The following GAS7 variants were observed in gnomAD, a reference collection of about 807,000 sequenced individuals.
The protein encoded by GAS7 is growth arrest specific 7.
Under a neutral mutation model 71.1 loss-of-function variants are expected in GAS7, and 28 were observed. The observed-to-expected ratio is 0.39, with a 90% confidence interval of 0.29 to 0.54. The LOEUF is 0.54. Among genes scored for constraint, GAS7 ranks in the 20% least tolerant of loss-of-function variants. The pLI is 0.62. For synonymous variants in GAS7, 258 were observed against 245.8 expected (o/e 1.05, Z -0.46); for missense variants, 436 against 627.8 (o/e 0.69, Z 3.27).
intron 1 of GAS7, among the ~76,000 whole-genome samples, chr17:10,151,280 T>C (rs2074164442): frequency 1.3e-5 from 2 of 152,022 alleles, no homozygotes; most frequent in Non-Finnish European, 2.9e-5. Flanking sequence ...GCTGGGACTA[T>C]AGGCACAGGC....
chr17:10,086,356 A>G (rs747444866), intron 1 of GAS7, among the ~76,000 whole-genome samples: 4 of 152,204 alleles, frequency 2.6e-5, no homozygotes, highest in Non-Finnish European at 5.9e-5. Context: ...AGCACTGATC[A>G]TATCTGGGGA....
chr17:10,039,889 A>T, intron 1 of GAS7: 1 of 322,862 alleles, frequency 3.1e-6, no homozygotes, highest in Non-Finnish European at 6.2e-6. Context: ...GGACATATCA[A>T]TTCCTTCTGT....
At chr17:9,975,926 C>T (rs1005318583) in intron 3 of GAS7, among the ~76,000 whole-genome samples, 6 of 152,204 alleles carry the variant, frequency 3.9e-5, no homozygotes, top group African/African-American at 9.6e-5. Context: ...GGGGCAGTTC[C>T]GTGCTCATCC....
At chr17:10,019,709 A>G (rs1009580945) in intron 2 of GAS7, 68 bp downstream of exon 2, 34 of 1,494,428 alleles carry the variant, frequency 2.3e-5, no homozygotes, top group Non-Finnish European at 3.1e-5. Flanking sequence ...AGGGAGAAAA[A>G]ACGTGCCCCT....
chr17:9,925,377 CA>C, intron 11 of GAS7, 98 bp downstream of exon 11: 1 of 1,261,278 alleles, frequency 7.9e-7, no homozygotes. Flanking sequence ...TGCAGTCTTG[CA>C]AAGGAGAGAT....
chr17:10,098,992 G>A (rs1438400451), intron 1 of GAS7, among the ~76,000 whole-genome samples: 1 of 152,112 alleles, frequency 6.6e-6, no homozygotes, highest in African/African-American at 2.4e-5. Context: ...AGATAACACA[G>A]GTTAGATGAA....
At chr17:10,093,652 C>T (rs1259575320) in intron 1 of GAS7, among the ~76,000 whole-genome samples, 2 of 151,930 alleles carry the variant, frequency 1.3e-5, no homozygotes, top group African/African-American at 4.8e-5. Context: ...AAGCTTCCCT[C>T]CCACCACCTG....
intron 7 of GAS7, among the ~76,000 whole-genome samples, chr17:9,941,329 T>C (rs2068594810): frequency 6.6e-6 from 1 of 152,082 alleles, no homozygotes; most frequent in Admixed American, 6.6e-5. Flanking sequence ...AGAAAGTAGA[T>C]CTATCCATGC....
At chr17:9,952,160 C>G (rs2069044993) in intron 5 of GAS7, among the ~76,000 whole-genome samples, 1 of 152,136 alleles carries the variant, frequency 6.6e-6, no homozygotes, top group Non-Finnish European at 1.5e-5. Context: ...TGGGTCCCAC[C>G]CCCCACTGTC....
intron 5 of GAS7, among the ~76,000 whole-genome samples, chr17:9,952,755 C>T (rs1042341650): frequency 2.6e-5 from 4 of 152,076 alleles, no homozygotes; most frequent in South Asian, 4.1e-4. Context: ...TGCTCATCAC[C>T]GCTAATCATT....
At chr17:10,076,591 C>T (rs1001768309) in intron 1 of GAS7, among the ~76,000 whole-genome samples, 1 of 152,028 alleles carries the variant, frequency 6.6e-6, no homozygotes, top group Admixed American at 6.5e-5. Context: ...ACTATCAGAA[C>T]TAATAAGACA....
intron 1 of GAS7, among the ~76,000 whole-genome samples, chr17:10,058,007 G>A (rs1043136700): frequency 3.3e-4 from 50 of 152,140 alleles, no homozygotes; most frequent in South Asian, 2.1e-4. Flanking sequence ...ATGGATTAAG[G>A]GCAGTGCAAG....
At chr17:10,043,367 G>A (rs1246950438) in intron 1 of GAS7, among the ~76,000 whole-genome samples, 1 of 152,096 alleles carries the variant, frequency 6.6e-6, no homozygotes, top group Non-Finnish European at 1.5e-5. Flanking sequence ...CAAATGAAGA[G>A]GGGGGATACA....
At chr17:10,057,538 T>C (rs897210339) in intron 1 of GAS7, among the ~76,000 whole-genome samples, 2 of 149,390 alleles carry the variant, frequency 1.3e-5, no homozygotes, top group African/African-American at 5.0e-5. Flanking sequence ...ATCTGGGAAG[T>C]GAGGAGCATC....
chr17:10,043,286 G>A (rs2072899451), intron 1 of GAS7, among the ~76,000 whole-genome samples: 1 of 152,050 alleles, frequency 6.6e-6, no homozygotes, highest in South Asian at 2.1e-4. Context: ...CCTCTAACCA[G>A]ACTAGTGCTC....
chr17:10,191,387 T>C (rs972765255), intron 1 of GAS7, among the ~76,000 whole-genome samples: 9 of 150,222 alleles, frequency 6.0e-5, no homozygotes, highest in Non-Finnish European at 1.0e-4. Context: ...CTGAGAAACA[T>C]GGTGAAACCC....
At chr17:10,064,495 A>C (rs1325407284) in intron 1 of GAS7, among the ~76,000 whole-genome samples, 3 of 152,212 alleles carry the variant, frequency 2.0e-5, no homozygotes, top group Non-Finnish European at 4.4e-5. Flanking sequence ...TGCCTGGCCA[A>C]TTAGCACGTG....
chr17:10,096,846 C>G (rs1356843141), intron 1 of GAS7, among the ~76,000 whole-genome samples: 2 of 152,260 alleles, frequency 1.3e-5, no homozygotes, highest in Non-Finnish European at 2.9e-5. Flanking sequence ...CGAGTGGCGT[C>G]CAAAACACGC....
intron 1 of GAS7, among the ~76,000 whole-genome samples, chr17:10,085,334 A>G (rs892395692): frequency 3.9e-5 from 6 of 152,146 alleles, no homozygotes; most frequent in Non-Finnish European, 5.9e-5. Context: ...CCAACTTCTC[A>G]GGATCTCGAT....
Sources: gnomAD v4.1 joint callset for allele counts (sites outside exome capture counted in the v4.1 genomes callset) on GRCh38, gnomAD v4.1.1 for gene constraint, MANE v1.5 for transcripts, NCBI Gene and HGNC (gene_info 2026-07-23, HGNC 2026-07-21) for gene names.